The following LRBA variants were observed in gnomAD, a reference collection of about 807,000 sequenced individuals.
The protein encoded by LRBA is LPS responsive beige-like anchor protein.
A neutral mutation model predicts 330.0 loss-of-function variants in LRBA; 176 were observed. The observed-to-expected ratio is 0.53, with a 90% CI of 0.47 to 0.60. The LOEUF is 0.60. Ranked by LOEUF, LRBA falls within the 20% of genes least tolerant of loss-of-function variation. The pLI, the probability that LRBA is intolerant of heterozygous loss-of-function variation, is 0.00. For synonymous variants in LRBA, 1,230 were observed against 1,193.0 expected (o/e 1.03, Z -0.64); for missense variants, 3,259 against 3,444.8 (o/e 0.95, Z 1.35).
chr4:150,406,121 G>A (rs928258669), intron 47 of LRBA, among the ~76,000 whole-genome samples: 6 of 151,752 alleles, frequency 4.0e-5, no homozygotes, highest in Non-Finnish European at 7.4e-5. Context: ...CAAATACATA[G>A]TAAAAAAAAT....
chr4:150,929,629 T>TG (rs2149509985), intron 2 of LRBA, among the ~76,000 whole-genome samples: 2 of 152,326 alleles, frequency 1.3e-5, no homozygotes, highest in Admixed American at 1.3e-4. Context: ...AGAAAATGTA[T>TG]TTCACTGATA....
At chr4:150,856,528 T>C (rs1307149338) in intron 22 of LRBA, among the ~76,000 whole-genome samples, 1 of 152,242 alleles carries the variant, frequency 6.6e-6, no homozygotes, top group Non-Finnish European at 1.5e-5. Context: ...ACTTGATTAA[T>C]AGTCAGAGTA....
intron 35 of LRBA, among the ~76,000 whole-genome samples, chr4:150,758,307 T>C (rs1436224689): frequency 6.6e-6 from 1 of 152,176 alleles, no homozygotes; most frequent in Non-Finnish European, 1.5e-5. Context: ...ATTCCAAAGC[T>C]GTCTGCTATA....
intron 37 of LRBA, among the ~76,000 whole-genome samples, chr4:150,619,612 C>T (rs556671345): frequency 2.0e-5 from 3 of 152,176 alleles, no homozygotes; most frequent in African/African-American, 7.2e-5. Flanking sequence ...ATACAGATTC[C>T]TATATAATTT....
chr4:150,530,527 C>T (rs1345317415), intron 40 of LRBA, among the ~76,000 whole-genome samples: 1 of 152,184 alleles, frequency 6.6e-6, no homozygotes, highest in Non-Finnish European at 1.5e-5. Context: ...TACCACAGCT[C>T]CCTCAACTCT....
chr4:150,949,667 A>C (rs1736616535), intron 2 of LRBA, among the ~76,000 whole-genome samples: 1 of 152,102 alleles, frequency 6.6e-6, no homozygotes, highest in African/African-American at 2.4e-5. Context: ...CACAGGATTA[A>C]TTTTCCACCA....
At chr4:150,505,728 A>T (rs1307875608) in intron 40 of LRBA, among the ~76,000 whole-genome samples, 4 of 152,198 alleles carry the variant, frequency 2.6e-5, no homozygotes, top group Admixed American at 2.6e-4. Context: ...AATAACTAAG[A>T]TCAGAGCAGA....
intron 37 of LRBA, among the ~76,000 whole-genome samples, chr4:150,674,759 C>CA (rs1373387422): frequency 6.6e-6 from 1 of 151,836 alleles, no homozygotes; most frequent in African/African-American, 2.4e-5. Context: ...CCTGTGGTCC[C>CA]AGCTACTTGG....
At chr4:150,755,052 GCCTCTCTC>G (rs1024744353) in intron 35 of LRBA, among the ~76,000 whole-genome samples, 1 of 152,076 alleles carries the variant, frequency 6.6e-6, no homozygotes, top group African/African-American at 2.4e-5. Context: ...ATATTTTCTG[GCCTCTCTC>G]CCTCTCTCCC....
intron 35 of LRBA, among the ~76,000 whole-genome samples, chr4:150,740,227 C>A (rs375018591): frequency 5.4e-4 from 82 of 151,946 alleles, no homozygotes; most frequent in African/African-American, 1.9e-3. Context: ...GAAATTGATA[C>A]ACTGAATAAA....
At chr4:150,589,295 G>T (rs1374382024) in intron 39 of LRBA, among the ~76,000 whole-genome samples, 2 of 152,180 alleles carry the variant, frequency 1.3e-5, no homozygotes, top group African/African-American at 4.8e-5. Flanking sequence ...TTAGAAGGGT[G>T]ATAGTGCTTA....
chr4:150,527,116 A>ATC (rs1317293273), intron 40 of LRBA, among the ~76,000 whole-genome samples: 1 of 151,628 alleles, frequency 6.6e-6, no homozygotes, highest in East Asian at 1.9e-4. Context: ...TTGTTTTTGT[A>ATC]TCCACTATTC....
At chr4:150,574,146 A>AT (rs1159412626) in intron 40 of LRBA, among the ~76,000 whole-genome samples, 1 of 152,122 alleles carries the variant, frequency 6.6e-6, no homozygotes, top group Admixed American at 6.6e-5. Context: ...ATTTTGTTTT[A>AT]TAATTTTATG....
intron 2 of LRBA, among the ~76,000 whole-genome samples, chr4:150,983,838 C>T (rs1741133220): frequency 6.6e-6 from 1 of 151,716 alleles, no homozygotes; most frequent in Non-Finnish European, 1.5e-5. Context: ...TCTGAACTCT[C>T]AAGATACTTA....
At position 150,832,029 on chromosome 4, in the gene LRBA, A is replaced by G. The variant is rs563775840; in HGVS notation, c.4570-53T>C. On this transcript the variant is annotated intron_variant, in intron 28 of 56. Transcript: ENST00000651943. ...TATGTAACCATAAAATAACATCATT[A>G]TATTTTACATCACAATGTTTAAATA... The G allele has an allele frequency of 2.4e-5, 26 of 1,071,254 alleles. No homozygotes were observed. The African/African-American group carries it at 2.4e-4, about 10-fold the overall frequency. The allele number at this position is 1,071,254 out of a possible 1,614,324, so 66.4% of individuals were successfully genotyped here.
intron 55 of LRBA, among the ~76,000 whole-genome samples, chr4:150,281,494 A>G (rs1747526764): frequency 6.6e-6 from 1 of 152,180 alleles, no homozygotes; most frequent in African/African-American, 2.4e-5. Context: ...GTATTTACTT[A>G]GGAGAAGGGG....
At position 150,868,066 on chromosome 4, in the gene LRBA, A is replaced by G. The variant is rs1167913377; in HGVS notation, c.2573+116T>C. On this transcript the variant is annotated intron_variant, in intron 21 of 56. Transcript: ENST00000651943. ...GGTACATTATTTACATACTCTTAAT[A>G]AAAAAAATAGAAAAATCATTTCACA... 1.9e-5 allele frequency: 21 copies of G among 1,120,146 alleles called. No homozygotes were observed. The East Asian group carries it at 3.8e-4, about 20-fold the overall frequency. 69.4% of individuals were successfully genotyped at this position (1,120,146 alleles called of 1,614,324 possible).
intron 34 of LRBA, among the ~76,000 whole-genome samples, chr4:150,788,483 ATAAG>A (rs1018658699): frequency 4.6e-5 from 7 of 152,134 alleles, no homozygotes; most frequent in Admixed American, 4.6e-4. Flanking sequence ...TACACAGTAA[ATAAG>A]TAATAGAATA....
At chr4:150,914,386 AC>A (rs1732345151) in intron 8 of LRBA, 45 bp from the exon 9 acceptor site, 1 of 1,371,818 alleles carries the variant, frequency 7.3e-7, no homozygotes, top group African/African-American at 1.5e-5. Flanking sequence ...ACAAAAAAAA[AC>A]TCCAGAAATA....
Sources: gnomAD v4.1 joint callset for allele counts (sites outside exome capture counted in the v4.1 genomes callset) on GRCh38, gnomAD v4.1.1 for gene constraint, MANE v1.5 for transcripts, NCBI Gene and HGNC (gene_info 2026-07-23, HGNC 2026-07-21) for gene names.